ANGPT1: variants seen among roughly 807,000 people sequenced by gnomAD.
The protein encoded by ANGPT1 is angiopoietin 1, also known as angiopoietin-1.
Under a neutral mutation model 62.2 loss-of-function variants are expected in ANGPT1, and 17 were observed. The observed-to-expected ratio is 0.27, with a 90% CI of 0.19 to 0.41. ANGPT1 has a LOEUF of 0.41. ANGPT1 is among the 10% of genes least tolerant of loss of function. ANGPT1 has a pLI of 1.00. For synonymous variants in ANGPT1, 199 were observed against 198.9 expected (o/e 1.00, Z 0.00); for missense variants, 478 against 594.9 (o/e 0.80, Z 2.04).
In ANGPT1 at chr8:107,255,321, G is replaced by T. The variant is rs758421489; in HGVS notation, c.1337-3306C>A. 3.7e-4 allele frequency among the ~76,000 whole-genome samples: 56 copies of T among 152,156 alleles called. 1 individual carries two copies. Among genetic ancestry groups the T allele is most frequent in the Admixed American group, 1.1e-3 (17 of 15,270 alleles). On this transcript the variant is annotated intron_variant, in intron 8 of 8. Transcript: ENST00000517746. ...CTGTACTCTGGAAGACCAGGGGAGA[G>T]TGTCTGCCAGCAGGTTGGCTTGGCT...
At chr8:107,385,787 AT>A (rs1383686494) in intron 1 of ANGPT1, among the ~76,000 whole-genome samples, 2 of 151,924 alleles carry the variant, frequency 1.3e-5, no homozygotes, top group East Asian at 3.9e-4. Context: ...GGCTTTTAAT[AT>A]TTTAAGGTAT....
intron 7 of ANGPT1, among the ~76,000 whole-genome samples, chr8:107,274,554 C>A (rs10086783): frequency 6.6e-6 from 1 of 152,086 alleles, no homozygotes; most frequent in Admixed American, 6.6e-5. Context: ...ATAAAAGAAG[C>A]TAGAGTTTAA....
intron 3 of ANGPT1, among the ~76,000 whole-genome samples, chr8:107,334,478 CAA>C (rs1221918260): frequency 6.6e-6 from 1 of 151,460 alleles, no homozygotes. Context: ...TAAAATGCAG[CAA>C]AATATGCAGC....
At chr8:107,375,085 A>T (rs909304660) in intron 1 of ANGPT1, among the ~76,000 whole-genome samples, 1 of 152,082 alleles carries the variant, frequency 6.6e-6, no homozygotes, top group Non-Finnish European at 1.5e-5. Context: ...GCTTGAACCC[A>T]GGAGGCGGAG....
At chr8:107,393,793 G>A (rs779877754) in intron 1 of ANGPT1, among the ~76,000 whole-genome samples, 16 of 152,128 alleles carry the variant, frequency 1.1e-4, no homozygotes, top group Non-Finnish European at 2.4e-4. Context: ...CTGGGCGGCT[G>A]GACGAGACTC....
chr8:107,436,883 T>C (rs532226981), intron 1 of ANGPT1, among the ~76,000 whole-genome samples: 8 of 152,194 alleles, frequency 5.3e-5, no homozygotes, highest in Non-Finnish European at 2.9e-5. Context: ...CAACAACTTA[T>C]TTGTATAACT....
At chr8:107,271,386 A>G (rs1310719079) in intron 7 of ANGPT1, among the ~76,000 whole-genome samples, 1 of 152,106 alleles carries the variant, frequency 6.6e-6, no homozygotes, top group Admixed American at 6.6e-5. Context: ...AAACTTCCTT[A>G]AGCAATAACC....
chr8:107,462,575 G>A (rs1812097865), intron 1 of ANGPT1, among the ~76,000 whole-genome samples: 1 of 151,844 alleles, frequency 6.6e-6, no homozygotes, highest in South Asian at 2.1e-4. Flanking sequence ...TCCATTGCTG[G>A]GGCTCCAAGG....
chr8:107,445,215 A>G (rs574431737), intron 1 of ANGPT1, among the ~76,000 whole-genome samples: 1 of 152,344 alleles, frequency 6.6e-6, no homozygotes, highest in South Asian at 2.1e-4. Context: ...CCACTAGATT[A>G]TAACATATAT....
At chr8:107,262,548 G>C (rs1813517623) in intron 8 of ANGPT1, among the ~76,000 whole-genome samples, 1 of 152,172 alleles carries the variant, frequency 6.6e-6, no homozygotes, top group African/African-American at 2.4e-5. Flanking sequence ...AAGTAAGATA[G>C]TACAACATGT....
intron 1 of ANGPT1, among the ~76,000 whole-genome samples, chr8:107,380,580 A>G (rs1249560490): frequency 3.9e-5 from 6 of 152,124 alleles, no homozygotes; most frequent in Admixed American, 1.3e-4. Flanking sequence ...TGATATAGCC[A>G]GTGTGAGTTC....
chr8:107,408,373 A>C (rs2130349136), intron 1 of ANGPT1, among the ~76,000 whole-genome samples: 1 of 152,246 alleles, frequency 6.6e-6, no homozygotes. Flanking sequence ...GTAGAGGAAA[A>C]TTTTATAAGT....
At chr8:107,404,542 T>A (rs951779415) in intron 1 of ANGPT1, among the ~76,000 whole-genome samples, 1 of 152,144 alleles carries the variant, frequency 6.6e-6, no homozygotes, top group African/African-American at 2.4e-5. Flanking sequence ...CCATTACATG[T>A]AGATCTCTCT....
intron 5 of ANGPT1, among the ~76,000 whole-genome samples, chr8:107,299,795 GT>G (rs1303207120): frequency 9.6e-6 from 1 of 103,776 alleles, no homozygotes; most frequent in Middle Eastern, 0.014. Flanking sequence ...TAGATATGTA[GT>G]TATATCTAGA....
At chr8:107,310,982 A>AAGT (rs1814843771) in intron 4 of ANGPT1, among the ~76,000 whole-genome samples, 1 of 82,744 alleles carries the variant, frequency 1.2e-5, no homozygotes, top group South Asian at 3.5e-4. Flanking sequence ...TGTGTATGTG[A>AAGT]GTGTGTGTGT....
chr8:107,303,527 G>T (rs1814644900), intron 4 of ANGPT1, among the ~76,000 whole-genome samples, 160 bp from the exon 5 acceptor site: 1 of 149,990 alleles, frequency 6.7e-6, no homozygotes. Flanking sequence ...AGATTTTGAG[G>T]TAGCTTACAA....
chr8:107,496,325 T>C (rs1243949080), intron 1 of ANGPT1, among the ~76,000 whole-genome samples: 1 of 152,232 alleles, frequency 6.6e-6, no homozygotes, highest in Non-Finnish European at 1.5e-5. Context: ...AGAAGTGTGT[T>C]CATAATTTAA....
chr8:107,361,869 G>A (rs1816173789), intron 1 of ANGPT1, among the ~76,000 whole-genome samples: 3 of 151,918 alleles, frequency 2.0e-5, no homozygotes, highest in Admixed American at 2.0e-4. Context: ...GACCAGCCTG[G>A]CCAACATGGT....
rs1329351733 is a variant in ANGPT1, at chr8:107,311,119, C to T, written c.809-7752G>A. 3.3e-5 allele frequency among the ~76,000 whole-genome samples: 5 copies of T among 151,464 alleles called. No individual in the cohort carries two copies. In the East Asian group the frequency reaches 9.7e-4, roughly 29 times the overall value. On this transcript the variant is annotated intron_variant, in intron 4 of 8. Coordinates refer to ENST00000517746, the MANE Select transcript of ANGPT1 (RefSeq NM_001146.5). ...GTGTGTGTGTGTCTGTGTTCATCTT[C>T]TAGTATCAGGCATGGAGACAAGGAA...
Sources: gnomAD v4.1 joint callset for allele counts (sites outside exome capture counted in the v4.1 genomes callset) on GRCh38, gnomAD v4.1.1 for gene constraint, MANE v1.5 for transcripts, NCBI Gene and HGNC (gene_info 2026-07-23, HGNC 2026-07-21) for gene names.